TENT4B: variants seen among roughly 807,000 people sequenced by gnomAD.
TENT4B encodes the protein terminal nucleotidyltransferase 4B, also known as PAP associated domain containing 5.
In TENT4B, 10 loss-of-function variants were observed where a neutral mutation model predicts 75.0. That is an observed-to-expected ratio of 0.13 (90% CI 0.08 to 0.23). TENT4B has a LOEUF of 0.23. Ranked by LOEUF, TENT4B falls within the 10% of genes least tolerant of loss-of-function variation. The pLI is 1.00. For synonymous variants in TENT4B, 350 were observed against 357.7 expected, an observed-to-expected ratio of 0.98 and a Z score of 0.24; for missense variants, 579 against 893.8, an observed-to-expected ratio of 0.65 and a Z score of 4.49.
At chr16:50,221,244 AG>A (rs1177577300) in intron 5 of TENT4B, among the ~76,000 whole-genome samples, 2 of 152,158 alleles carry the variant, frequency 1.3e-5, no homozygotes, top group Non-Finnish European at 2.9e-5. Context: ...TGACAGAATG[AG>A]GGGGAAAAAA....
intron 1 of TENT4B, among the ~76,000 whole-genome samples, chr16:50,180,535 T>C (rs1028587122): frequency 1.3e-5 from 2 of 152,152 alleles, no homozygotes; most frequent in African/African-American, 4.8e-5. Flanking sequence ...GGCGAAACCC[T>C]GTTTCTACTA....
At chr16:50,201,188 A>C (rs1307035679) in intron 1 of TENT4B, among the ~76,000 whole-genome samples, 2 of 152,190 alleles carry the variant, frequency 1.3e-5, no homozygotes, top group South Asian at 2.1e-4. Flanking sequence ...TTTTTGGTGA[A>C]TATGTAAATG....
chr16:50,212,662 G>A lies in TENT4B; in HGVS notation c.762+1216G>A, dbSNP rs373735503. On this transcript the variant is annotated intron_variant, in intron 2 of 11. Transcript: ENST00000561678. Reference sequence around the variant, plus strand: ...GTTTTATGAGCAATGACCATACATCGCATTCTTTCTCCTATGTGATCCAAA... The same window carrying A: ...GTTTTATGAGCAATGACCATACATCACATTCTTTCTCCTATGTGATCCAAA... Among the ~76,000 whole-genome samples, 105 of 152,208 alleles carry A rather than the reference G, an allele frequency of 6.9e-4. No homozygotes were observed. In the South Asian group the frequency reaches 0.021, roughly 30 times the overall value.
chr16:50,218,441 A>G (rs768884236), intron 5 of TENT4B, among the ~76,000 whole-genome samples: 42 of 151,950 alleles, frequency 2.8e-4, no homozygotes, highest in Admixed American at 6.6e-4. Context: ...GGTTCAAGCA[A>G]TTCTTCTGCC....
chr16:50,187,878 A>T (rs1465594375), intron 1 of TENT4B, among the ~76,000 whole-genome samples: 1 of 152,078 alleles, frequency 6.6e-6, no homozygotes, highest in African/African-American at 2.4e-5. Flanking sequence ...TTAAAAAAAG[A>T]AGAAAAAAAA....
intron 1 of TENT4B, among the ~76,000 whole-genome samples, chr16:50,191,133 C>G (rs2038630126): frequency 6.6e-6 from 1 of 150,612 alleles, no homozygotes; most frequent in Admixed American, 6.6e-5. Flanking sequence ...ATTTGGGTTG[C>G]TTTTACCTAT....
chr16:50,153,381 A>C lies in TENT4B; in HGVS notation c.-241A>C, dbSNP rs1241400262. 1.7e-4 allele frequency among the ~76,000 whole-genome samples: 1 copy of C among 5,906 alleles called. No individual in the cohort carries two copies. The allele number at this position is 5,906 out of a possible 152,430, so 3.9% of individuals were successfully genotyped here. A position where few individuals can be genotyped will look rare whatever the true frequency, so the allele number is the denominator to read the frequency against. On this transcript the variant is annotated 5_prime_UTR_variant, in exon 1 of 12. Transcript: ENST00000561678. The stretch of plus-strand genomic sequence containing the variant: ...TGACAGGGGCTCGGCGGAGGGGCGG[A>C]GGGGCGGAGGGAGGGGGGGAGGGCC...
intron 1 of TENT4B, among the ~76,000 whole-genome samples, chr16:50,169,348 A>T (rs2038161667): frequency 1.5e-5 from 2 of 132,700 alleles, no homozygotes; most frequent in African/African-American, 2.8e-5. Flanking sequence ...TTTTCTGTAA[A>T]TTTGTAACTA....
chr16:50,211,529 T>A, intron 2 of TENT4B, 83 bp downstream of exon 2: 1 of 1,404,896 alleles, frequency 7.1e-7, no homozygotes, highest in Non-Finnish European at 9.3e-7. Context: ...CTCATGCTAG[T>A]CCTCACATGC....
chr16:50,154,024 G>T lies in TENT4B; in HGVS notation c.403G>T (p.Ala135Ser). 6.5e-7 allele frequency: 1 copy of T among 1,533,512 alleles called. No homozygotes were observed. Among genetic ancestry groups the T allele is most frequent in the Non-Finnish European group, 8.7e-7 (1 of 1,145,892 alleles). The allele number at this position is 1,533,512 out of a possible 1,614,324, so 95.0% of individuals were successfully genotyped here. ...CTCCTCGGCGTCCTCGCCTCCCTCG[G>T]CGTCCTCGTCCCCGCACCCTTCGGC... is the stretch of plus-strand genomic sequence containing the variant. ...AGSSASSPPS[A>S]SSSPHPSAAV... Residue 135 changes from alanine to serine, a missense_variant, in exon 1 of 12, where the codon GCG becomes TCG. Coordinates refer to ENST00000561678, the MANE Select transcript of TENT4B (RefSeq NM_001365324.3).
At chr16:50,201,539 GAAAA>G in intron 1 of TENT4B, among the ~76,000 whole-genome samples, 1 of 143,740 alleles carries the variant, frequency 7.0e-6, no homozygotes, top group Admixed American at 6.9e-5. Flanking sequence ...TCTGTCTCAA[GAAAA>G]AAAAAAATGC....
intron 1 of TENT4B, among the ~76,000 whole-genome samples, chr16:50,163,728 A>G (rs1361895525): frequency 6.6e-6 from 1 of 151,700 alleles, no homozygotes; most frequent in Non-Finnish European, 1.5e-5. Flanking sequence ...AGTTTGATGT[A>G]AATATTTTTT....
At chr16:50,220,288 A>G (rs1210922866) in intron 5 of TENT4B, among the ~76,000 whole-genome samples, 1 of 149,680 alleles carries the variant, frequency 6.7e-6, no homozygotes, top group Non-Finnish European at 1.5e-5. Context: ...GAGCCCGGCC[A>G]CTTTTTTATT....
rs556372108 is a variant in TENT4B, at chr16:50,224,584, G to GA, written c.1382-71dup. The GA allele has an allele frequency of 7.4e-4, 1,172 of 1,579,942 alleles. 14 individuals carry two copies. The South Asian group carries it at 0.013, about 17-fold the overall frequency. ...GATAACTATGGCCCTTGCTCTCCTG[G>GA]AAGAGAGTCATCAACATTTAGTGCA... On this transcript the variant is annotated intron_variant, in intron 7 of 11. Coordinates refer to ENST00000561678, the MANE Select transcript of TENT4B (RefSeq NM_001365324.3).
In TENT4B at chr16:50,233,366, G is replaced by A. The variant is rs923079007; in HGVS notation, c.*4038G>A. On this transcript the variant is annotated 3_prime_UTR_variant, in exon 12 of 12. Transcript: ENST00000561678. ...AAGATCAAATTTTAATATGCTTCTC[G>A]ATATTTAACATAGCTAAGAAGCCAG... 14 of 985,134 alleles carry A rather than the reference G, an allele frequency of 1.4e-5. No homozygotes were observed. Among genetic ancestry groups the A allele is most frequent in the East Asian group, 1.1e-4 (1 of 8,822 alleles). 61.0% of individuals were successfully genotyped at this position (985,134 alleles called of 1,614,324 possible). A position where few individuals can be genotyped will look rare whatever the true frequency, so the allele number is the denominator to read the frequency against.
In TENT4B at chr16:50,228,686, C is replaced by T. The variant is rs368634928; in HGVS notation, c.1966-466C>T. Among the ~76,000 whole-genome samples, 58 of 152,334 alleles carry T rather than the reference C, an allele frequency of 3.8e-4. 1 individual carries two copies. In the South Asian group the frequency reaches 0.011, roughly 30 times the overall value. ...CGGCCTTAGCCATGTATGCCAGACA[C>T]AGACTTATCACAAAATACCAGTTCA... On this transcript the variant is annotated intron_variant, in intron 11 of 11. Coordinates refer to ENST00000561678, the MANE Select transcript of TENT4B (RefSeq NM_001365324.3).
intron 1 of TENT4B, among the ~76,000 whole-genome samples, chr16:50,167,549 G>T (rs2038125190): frequency 6.6e-6 from 1 of 151,022 alleles, no homozygotes. Flanking sequence ...CTTGTCATAC[G>T]TAAGAAACTG....
At chr16:50,179,410 T>G (rs2038370626) in intron 1 of TENT4B, among the ~76,000 whole-genome samples, 1 of 152,196 alleles carries the variant, frequency 6.6e-6, no homozygotes, top group African/African-American at 2.4e-5. Flanking sequence ...TATATTTACT[T>G]TGGGGCTTAT....
upstream of TENT4B, among the ~76,000 whole-genome samples, chr16:50,153,252 A>T (rs1379704746): frequency 7.2e-6 from 1 of 139,420 alleles, no homozygotes; most frequent in Non-Finnish European, 1.6e-5. Context: ...AGGAGCGAGG[A>T]CGCTACGGAG....
Sources: gnomAD v4.1 joint callset for allele counts (sites outside exome capture counted in the v4.1 genomes callset) on GRCh38, gnomAD v4.1.1 for gene constraint, MANE v1.5 for transcripts, NCBI Gene and HGNC (gene_info 2026-07-23, HGNC 2026-07-21) for gene names.